LVRN: variants seen among roughly 807,000 people sequenced by gnomAD.
The protein encoded by LVRN is aminopeptidase Q.
Under a neutral mutation model 111.4 loss-of-function variants are expected in LVRN, and 99 were observed. The ratio of observed to expected loss-of-function variants is 0.89; its 90% CI spans 0.76 to 1.05. The LOEUF is 1.05. LVRN is among the 50% of genes least tolerant of loss of function. The pLI is 0.00. For missense variants in LVRN, 1,414 were observed against 1,206.8 expected (o/e 1.17, Z -2.54); for synonymous variants, 488 against 449.5 (o/e 1.09, Z -1.08).
Position 115,983,284 on chromosome 5 carries a change from C to G in LVRN, c.696-3C>G. On this transcript the variant is annotated splice_region_variant and splice_polypyrimidine_tract_variant and intron_variant, in intron 1 of 19. Transcript: ENST00000357872. ...ATAAAAATTTCCCCAAAATGTATTT[C>G]AGGGCCCTGTTAGCGTCCCAGCTGG... 6.4e-7 allele frequency: 1 copy of G among 1,571,612 alleles called. No homozygotes were observed.
At chr5:116,004,622 A>G (rs1336576785) in intron 12 of LVRN, among the ~76,000 whole-genome samples, 1 of 152,166 alleles carries the variant, frequency 6.6e-6, no homozygotes, top group East Asian at 1.9e-4. Context: ...TATGGGGAAA[A>G]AAAACCCCCA....
chr5:116,005,146 G>A (rs1046537160), intron 12 of LVRN, among the ~76,000 whole-genome samples: 1 of 152,222 alleles, frequency 6.6e-6, no homozygotes, highest in Non-Finnish European at 1.5e-5. Context: ...TCTAGAAAAT[G>A]TGTTAGTACT....
chr5:116,005,761 G>A (rs975214051), intron 12 of LVRN, 151 bp from the exon 13 acceptor site: 2 of 703,210 alleles, frequency 2.8e-6, no homozygotes, highest in Admixed American at 2.0e-5. Flanking sequence ...TATGGGGACT[G>A]TCCTCAGTAA....
At position 116,026,039 on chromosome 5, in the gene LVRN, T is replaced by G. The variant is rs1748855983; in HGVS notation, c.2894T>G (p.Leu965Ter). The G allele has an allele frequency of 2.5e-6, 4 of 1,613,918 alleles. No individual in the cohort carries two copies. The highest frequency in any genetic ancestry group is 3.4e-6 in the Non-Finnish European group (4 of 1,179,864). Residue 965 changes from leucine (L) to a stop codon, truncating the protein, a stop_gained, in exon 20 of 20, where the codon TTA becomes TGA. Coordinates refer to ENST00000357872, the MANE Select transcript of LVRN (RefSeq NM_173800.5). LOFTEE classifies it high-confidence loss of function. ...CAGAGGATCAGAGTTCATGCCAACT[T>G]ACAGACAATAAAGAATGAAAATCTG... ...EHQRIRVHAN[L>*]QTIKNENLKN...
At chr5:116,012,505 G>A in intron 15 of LVRN, 37 bp downstream of exon 15, 4 of 1,255,800 alleles carry the variant, frequency 3.2e-6, no homozygotes, top group East Asian at 2.5e-5. Context: ...TGAATAAAAT[G>A]CATTCATATT....
chr5:116,009,874 T>C (rs1748449973), intron 13 of LVRN, among the ~76,000 whole-genome samples: 1 of 152,162 alleles, frequency 6.6e-6, no homozygotes, highest in African/African-American at 2.4e-5. Context: ...GGATTGAGAA[T>C]ATTACGTATA....
chr5:116,015,255 A>G lies in LVRN; in HGVS notation c.2454A>G (p.Ile818Met), dbSNP rs1350478220. The G allele has an allele frequency of 1.3e-6, 2 of 1,588,604 alleles. No homozygotes were observed. The highest frequency in any genetic ancestry group is 1.7e-6 in the Non-Finnish European group (2 of 1,168,672). The change falls in exon 17 of 20, where the codon ATA becomes ATG. Residue 818 changes from isoleucine (I) to methionine (M), a missense_variant. Coordinates refer to ENST00000357872, the MANE Select transcript of LVRN (RefSeq NM_173800.5). ...CATTTTATGTTATATTTTACAGAAT[A>G]CCTTATCCAATTAAAGATGTGGTTT... is the stretch of plus-strand genomic sequence containing the variant. ...AKWVDHPENEIPYPIKDVVLC... is the reference protein window; with the variant it reads ...AKWVDHPENEMPYPIKDVVLC...
At chr5:115,968,926 T>G (rs1176008372) in intron 1 of LVRN, among the ~76,000 whole-genome samples, 1 of 152,146 alleles carries the variant, frequency 6.6e-6, no homozygotes, top group African/African-American at 2.4e-5. Flanking sequence ...GATGTGACTT[T>G]GAAAGGAATT....
Position 115,999,772 on chromosome 5 carries a change from T to C in LVRN, c.1385T>C (p.Phe462Ser). 1 of 1,613,420 alleles carries C rather than the reference T, an allele frequency of 6.2e-7. No homozygotes were observed. The highest frequency in any genetic ancestry group is 8.5e-7 in the Non-Finnish European group (1 of 1,179,728). ...FNPKLPRNEI[F>S]FSNILHNILR... The stretch of plus-strand genomic sequence containing the variant: ...TCTTTTCCTTTATAGAATGAGATCT[T>C]TTTTTCTAACATTTTACATAATATC... Residue 462 changes from phenylalanine to serine, a missense_variant, in exon 7 of 20, where the codon TTT (phenylalanine) becomes TCT (serine). Coordinates refer to ENST00000357872, the MANE Select transcript of LVRN (RefSeq NM_173800.5).
chr5:115,968,391 T>C (rs1459549035), intron 1 of LVRN, among the ~76,000 whole-genome samples: 1 of 152,154 alleles, frequency 6.6e-6, no homozygotes, highest in Non-Finnish European at 1.5e-5. Flanking sequence ...ATGGGTATTA[T>C]ATTGATTGAT....
At chr5:115,997,055 T>A (rs1748128457) in intron 6 of LVRN, among the ~76,000 whole-genome samples, 2 of 152,188 alleles carry the variant, frequency 1.3e-5, no homozygotes, top group Non-Finnish European at 2.9e-5. Flanking sequence ...ATAATAAAAA[T>A]AATGATAAGT....
chr5:115,985,012 C>T (rs146261363), intron 3 of LVRN, among the ~76,000 whole-genome samples: 2 of 152,284 alleles, frequency 1.3e-5, no homozygotes, highest in African/African-American at 4.8e-5. Context: ...ATGGGGAGCA[C>T]TGCTGCACTG....
rs1446664892 is a variant in LVRN at position 116,026,733 on chromosome 5, C to A, written c.*615C>A. 1 of 153,196 alleles carries A rather than the reference C, an allele frequency of 6.5e-6. No homozygotes were observed. Among genetic ancestry groups the A allele is most frequent in the Non-Finnish European group, 1.5e-5 (1 of 68,886 alleles). 9.5% of individuals were successfully genotyped at this position (153,196 alleles called of 1,614,324 possible). On this transcript the variant is annotated 3_prime_UTR_variant, in exon 20 of 20. Transcript: ENST00000357872. ...CTCCCACAGTACATCCTGCATTGAA[C>A]CACGTGTTGCTGGTTACTAAACTTT...
rs1033512615 is a variant in LVRN at position 116,003,249 on chromosome 5, C to T, written c.1906C>T (p.Pro636Ser). 1.3e-6 allele frequency: 2 copies of T among 1,579,370 alleles called. No homozygotes were observed. Among genetic ancestry groups the T allele is most frequent in the Middle Eastern group, 1.7e-4 (1 of 5,982 alleles). The stretch of plus-strand genomic sequence containing the variant: ...CCCATATTCCTTTATAGAAGTATTC[C>T]CAGAAATGCAAGTTTCAGATTCTGA... ...VWLDQSSKVF[P>S]EMQVSDSDHD... The change falls in exon 12 of 20, where the codon CCA (proline) becomes TCA (serine). Residue 636 changes from proline to serine, a missense_variant. Coordinates refer to ENST00000357872, the MANE Select transcript of LVRN (RefSeq NM_173800.5).
Position 116,026,273 on chromosome 5 carries a change from G to A in LVRN, c.*155G>A, listed in dbSNP as rs1748865451. The A allele has an allele frequency of 1.7e-6, 2 of 1,181,458 alleles. No individual in the cohort carries two copies. The highest frequency in any genetic ancestry group is 1.5e-5 in the South Asian group (1 of 67,982). 73.2% of individuals were successfully genotyped at this position (1,181,458 alleles called of 1,614,324 possible). A position where few individuals can be genotyped will look rare whatever the true frequency, so the allele number is the denominator to read the frequency against. ...AGTGCCATTCTTCTCATATTGTCAT[G>A]TTTGGCCCTGAGGGTGGGTGATTGC... On this transcript the variant is annotated 3_prime_UTR_variant, in exon 20 of 20. Coordinates refer to ENST00000357872, the MANE Select transcript of LVRN (RefSeq NM_173800.5).
intron 6 of LVRN, among the ~76,000 whole-genome samples, chr5:115,994,077 T>C (rs1275579507): frequency 6.6e-6 from 1 of 152,118 alleles, no homozygotes; most frequent in African/African-American, 2.4e-5. Flanking sequence ...AATTTTGTAT[T>C]GCTTTTTTTA....
rs1748856596 is a variant in LVRN at position 116,026,062 on chromosome 5, C to T, written c.2917C>T (p.Leu973=). 1 of 1,613,910 alleles carries T rather than the reference C, an allele frequency of 6.2e-7. No homozygotes were observed. The highest frequency in any genetic ancestry group is 1.1e-5 in the South Asian group (1 of 91,068). ...ANLQTIKNEN[L]KNKKLSARIA... ...CTTACAGACAATAAAGAATGAAAAT[C>T]TGAAAAACAAGAAGCTAAGTGCCAG... Residue 973 remains leucine (L), a synonymous_variant, in exon 20 of 20, where the codon CTG becomes TTG. Coordinates refer to ENST00000357872, the MANE Select transcript of LVRN (RefSeq NM_173800.5).
chr5:116,003,780 A>G (rs1748296066), intron 12 of LVRN, among the ~76,000 whole-genome samples: 1 of 151,880 alleles, frequency 6.6e-6, no homozygotes, highest in African/African-American at 2.4e-5. Flanking sequence ...ACGGGGTTTC[A>G]CCGTGTTAGC....
intron 7 of LVRN, 58 bp from the exon 8 acceptor site, chr5:116,000,375 G>C (rs1748212588): frequency 6.4e-7 from 1 of 1,568,886 alleles, no homozygotes; most frequent in African/African-American, 1.4e-5. Flanking sequence ...AATATGGAAT[G>C]TGTCAGTATG....
Sources: allele counts gnomAD v4.1 joint callset (sites outside exome capture counted in the v4.1 genomes callset), GRCh38; gene constraint gnomAD v4.1.1; transcripts MANE v1.5; gene names NCBI Gene and HGNC (gene_info 2026-07-23, HGNC 2026-07-21).